The following ATP2C2 variants were observed in gnomAD, a reference collection of about 807,000 sequenced individuals.
The protein encoded by ATP2C2 is calcium-transporting ATPase type 2C member 2.
In ATP2C2, 171 loss-of-function variants were observed where a neutral mutation model predicts 110.8. That is an observed-to-expected ratio of 1.54 (90% confidence interval 1.36 to 1.75). The LOEUF (loss-of-function observed/expected upper bound fraction) is 1.75. Ranked by LOEUF, ATP2C2 falls within the 40% of genes most tolerant of loss-of-function variation. The pLI is 0.00. For missense variants in ATP2C2, 1,963 were observed against 1,235.0 expected (o/e 1.59, Z -8.84); for synonymous variants, 804 against 508.4 (o/e 1.58, Z -7.82).
intron 1 of ATP2C2, among the ~76,000 whole-genome samples, chr16:84,396,549 CAAAA>C (rs57290176): frequency 1.3e-5 from 1 of 74,786 alleles, no homozygotes. Flanking sequence ...GGCTCTATCT[CAAAA>C]AAAAAAAAAA....
In ATP2C2 at chr16:84,390,583, T is replaced by A. The variant is rs192390435; in HGVS notation, c.100-7916T>A. On this transcript the variant is annotated intron_variant, in intron 1 of 26. Coordinates refer to ENST00000262429, the MANE Select transcript of ATP2C2 (RefSeq NM_014861.4). Reference sequence around the variant, plus strand: ...ATGTGAAGTAGGCGGGACCGTGACGTCCATAGAGACAGGAAGCAGATGAGT... The same window carrying A: ...ATGTGAAGTAGGCGGGACCGTGACGACCATAGAGACAGGAAGCAGATGAGT... 3.2e-4 allele frequency among the ~76,000 whole-genome samples: 49 copies of A among 152,148 alleles called. No homozygotes were observed. The East Asian group carries it at 7.6e-3, about 23-fold the overall frequency.
intron 1 of ATP2C2, among the ~76,000 whole-genome samples, chr16:84,390,929 C>T (rs1050674268): frequency 6.6e-5 from 10 of 152,124 alleles, no homozygotes; most frequent in Admixed American, 6.5e-4. Flanking sequence ...GCCCGGCCAA[C>T]ATGTTCAAAC....
At chr16:84,399,112 A>G (rs1905165719) in intron 2 of ATP2C2, among the ~76,000 whole-genome samples, 1 of 152,252 alleles carries the variant, frequency 6.6e-6, no homozygotes, top group Admixed American at 6.5e-5. Flanking sequence ...TGGCCAGTGC[A>G]AGACAAACAT....
chr16:84,378,202 G>A (rs994327082), intron 1 of ATP2C2, among the ~76,000 whole-genome samples: 1 of 152,152 alleles, frequency 6.6e-6, no homozygotes, highest in Non-Finnish European at 1.5e-5. Flanking sequence ...TTCTCAGGAC[G>A]CTCCCTGTCT....
chr16:84,379,430 T>C (rs971877946), intron 1 of ATP2C2, among the ~76,000 whole-genome samples: 8 of 152,130 alleles, frequency 5.3e-5, no homozygotes, highest in African/African-American at 1.9e-4. Context: ...TCTCCCAAAG[T>C]GTTGGGATTA....
Position 84,376,415 on chromosome 16 carries a change from G to T in ATP2C2, c.99+7701G>T, listed in dbSNP as rs188667449. Among the ~76,000 whole-genome samples, 813 of 152,326 alleles carry T rather than the reference G, an allele frequency of 5.3e-3. 2 individuals carry two copies. Among genetic ancestry groups the T allele is most frequent in the Non-Finnish European group, 8.7e-3 (592 of 68,030 alleles). ...TAGATTATTGGTCTCCACCACACAA[G>T]GGATTACTACTGGGTGAGTGTAGAC... is the stretch of plus-strand genomic sequence containing the variant. On this transcript the variant is annotated intron_variant, in intron 1 of 26. Coordinates refer to ENST00000262429, the MANE Select transcript of ATP2C2 (RefSeq NM_014861.4).
Position 84,460,680 on chromosome 16 carries a change from A to G in ATP2C2, c.2360A>G (p.Asp787Gly). 1.2e-6 allele frequency: 2 copies of G among 1,614,140 alleles called. No homozygotes were observed. The highest frequency in any genetic ancestry group is 1.3e-5 in the African/African-American group (1 of 75,018). Residue 787 changes from aspartate to glycine, a missense_variant, in exon 24 of 27, where the codon GAC (aspartate) becomes GGC (glycine). Physicochemically the swap from Asp to Gly is moderately conservative, Grantham distance 94. Transcript: ENST00000262429. ...TTGGGGGTAGAGCCCGTTGACAAAG[A>G]CGCCTTCAGGCAGCCACCACGGAGT... ...QSLGVEPVDK[D>G]AFRQPPRSVR...
At chr16:84,403,729 T>C (rs1813379) in intron 2 of ATP2C2, among the ~76,000 whole-genome samples, 83,781 of 151,566 alleles carry the variant, frequency 0.55, 26,053 homozygotes, top group South Asian at 0.73. Flanking sequence ...TCCTTCTTGT[T>C]GCCCAGGCTG....
chr16:84,454,235 C>A (rs1008674611), intron 20 of ATP2C2, among the ~76,000 whole-genome samples: 5 of 152,058 alleles, frequency 3.3e-5, no homozygotes, highest in African/African-American at 1.2e-4. Context: ...AAAGCCAGGC[C>A]CATGAATCTC....
intron 7 of ATP2C2, among the ~76,000 whole-genome samples, chr16:84,421,658 G>C (rs973332348): frequency 6.6e-6 from 1 of 152,130 alleles, no homozygotes; most frequent in South Asian, 2.1e-4. Flanking sequence ...GTCAAGTTGC[G>C]GTTTTGCAAG....
chr16:84,368,636 C>A lies in ATP2C2; in HGVS notation c.21C>A (p.Ser7=). 6.4e-7 allele frequency: 1 copy of A among 1,563,988 alleles called. No individual in the cohort carries two copies. Among genetic ancestry groups the A allele is most frequent in the Non-Finnish European group, 8.7e-7 (1 of 1,155,546 alleles). Residue 7 remains serine, a synonymous_variant, in exon 1 of 27, where the codon TCC becomes TCA. Coordinates refer to ENST00000262429, the MANE Select transcript of ATP2C2 (RefSeq NM_014861.4). The stretch of plus-strand genomic sequence containing the variant: ...TCACCATGGTCGAGGGACGCGTCTC[C>A]GAGTTCCTGAAGAAACTCGGCTTCT... The part of the protein sequence containing the change: MVEGRV[S]EFLKKLGFSG...
At chr16:84,398,679 C>T (rs375345964) in intron 2 of ATP2C2, 70 bp downstream of exon 2, 2 of 1,231,276 alleles carry the variant, frequency 1.6e-6, no homozygotes, top group Admixed American at 2.6e-5. Context: ...CAACACAAAG[C>T]CCTGAACAGT....
At position 84,398,515 on chromosome 16, in the gene ATP2C2, A is replaced by T. The variant is rs1194115357; in HGVS notation, c.116A>T (p.Glu39Val). ...EEEALIDEQS[E>V]LKAIEKEKKV... Reference sequence around the variant, plus strand: ...TTTTCACAGATTGATGAACAGAGTGAGCTGAAAGCCATCGAGAAAGAGAAG... The same window carrying T: ...TTTTCACAGATTGATGAACAGAGTGTGCTGAAAGCCATCGAGAAAGAGAAG... The change falls in exon 2 of 27, where the codon GAG becomes GTG. Residue 39 changes from glutamate (E) to valine (V), a missense_variant. Transcript: ENST00000262429. 6.2e-7 allele frequency: 1 copy of T among 1,611,702 alleles called. No homozygotes were observed. Among genetic ancestry groups the T allele is most frequent in the African/African-American group, 1.3e-5 (1 of 74,650 alleles).
chr16:84,374,851 T>C (rs1910160757), intron 1 of ATP2C2, among the ~76,000 whole-genome samples: 1 of 152,142 alleles, frequency 6.6e-6, no homozygotes, highest in Non-Finnish European at 1.5e-5. Flanking sequence ...ACCCGAGAGT[T>C]TGGGTTTTAT....
chr16:84,422,831 T>A, intron 9 of ATP2C2, 134 bp downstream of exon 9: 1 of 1,018,026 alleles, frequency 9.8e-7, no homozygotes. Context: ...TTTAAACATT[T>A]AATTTTTTTT....
At chr16:84,399,460 T>C (rs546175331) in intron 2 of ATP2C2, among the ~76,000 whole-genome samples, 1 of 152,248 alleles carries the variant, frequency 6.6e-6, no homozygotes, top group Non-Finnish European at 1.5e-5. Flanking sequence ...AGTTTTCTTG[T>C]TATTGGCTTT....
chr16:84,404,712 A>G (rs897724497), intron 2 of ATP2C2: 1 of 353,200 alleles, frequency 2.8e-6, no homozygotes, highest in African/African-American at 2.1e-5. Context: ...TATATACCCC[A>G]AAGTGGAATT....
chr16:84,406,723 G>C (rs74872835), intron 3 of ATP2C2: 12 of 879,254 alleles, frequency 1.4e-5, no homozygotes, highest in Non-Finnish European at 1.6e-5. Context: ...GGAGGCTCCC[G>C]GAAGTTGGGG....
At position 84,433,960 on chromosome 16, in the gene ATP2C2, C is replaced by G. The variant is rs1251334407; in HGVS notation, c.987-5206C>G. ...CACGTGGGAGACACTTTCCCCCTCT[C>G]ATTTGTCATTTTGAAAGGGCGAGGT... On this transcript the variant is annotated intron_variant, in intron 11 of 26. Coordinates refer to ENST00000262429, the MANE Select transcript of ATP2C2 (RefSeq NM_014861.4). 2.6e-5 allele frequency among the ~76,000 whole-genome samples: 4 copies of G among 152,270 alleles called. No homozygotes were observed. The East Asian group carries it at 7.7e-4, about 29-fold the overall frequency.
Sources: gnomAD v4.1 joint callset for allele counts (sites outside exome capture counted in the v4.1 genomes callset) on GRCh38, gnomAD v4.1.1 for gene constraint, MANE v1.5 for transcripts, NCBI Gene and HGNC (gene_info 2026-07-23, HGNC 2026-07-21) for gene names.